ELF1: variants seen among roughly 807,000 people sequenced by gnomAD.
ELF1 encodes the protein E74 like ETS transcription factor 1.
In ELF1, 24 loss-of-function variants were observed where a neutral mutation model predicts 59.9. The ratio of observed to expected loss-of-function variants is 0.40; its 90% CI spans 0.29 to 0.56. The LOEUF (loss-of-function observed/expected upper bound fraction) is 0.56, where lower values mean the gene tolerates loss of function less well. ELF1 is among the 20% of genes least tolerant of loss of function. The pLI, the probability that ELF1 is intolerant of heterozygous loss-of-function variation, is 0.44. For synonymous variants in ELF1, 248 were observed against 266.2 expected, an observed-to-expected ratio of 0.93 and a Z score of 0.67; for missense variants, 627 against 742.2, an observed-to-expected ratio of 0.84 and a Z score of 1.80.
intron 1 of ELF1, among the ~76,000 whole-genome samples, chr13:40,994,382 C>A (rs1874027800): frequency 6.6e-6 from 1 of 152,192 alleles, no homozygotes; most frequent in Non-Finnish European, 1.5e-5. Context: ...GTGGCTCATG[C>A]CTGTAATCCC....
intron 3 of ELF1, among the ~76,000 whole-genome samples, chr13:40,953,431 G>A (rs1202768282): frequency 2.0e-5 from 3 of 152,140 alleles, no homozygotes; most frequent in Non-Finnish European, 4.4e-5. Context: ...TATGGTTAGT[G>A]TCCCTCTAAG....
intron 1 of ELF1, among the ~76,000 whole-genome samples, chr13:41,004,363 G>T (rs562240662): frequency 6.6e-6 from 1 of 151,954 alleles, no homozygotes; most frequent in Non-Finnish European, 1.5e-5. Context: ...GGGGGTGGGG[G>T]ATATTCTGGG....
At chr13:41,037,891 G>A (rs1266725917) in intron 1 of ELF1, among the ~76,000 whole-genome samples, 2 of 152,020 alleles carry the variant, frequency 1.3e-5, no homozygotes, top group East Asian at 1.9e-4. Flanking sequence ...CATGTATAAT[G>A]TGCTACACAG....
intron 1 of ELF1, among the ~76,000 whole-genome samples, chr13:40,991,965 T>C (rs1873876834): frequency 6.6e-6 from 1 of 152,166 alleles, no homozygotes; most frequent in South Asian, 2.1e-4. Context: ...TAAAATATGA[T>C]TGTATGTTCT....
Position 40,933,445 on chromosome 13 carries a change from G to A in ELF1, c.1840C>T (p.Leu614=). The A allele has an allele frequency of 6.2e-7, 1 of 1,613,214 alleles. No individual in the cohort carries two copies. Among genetic ancestry groups the A allele is most frequent in the Non-Finnish European group, 8.5e-7 (1 of 1,179,518 alleles). ...SQVAMKQNEL[L]EPNSF ...ATTAACTAAAAAGAGTTGGGTTCCA[G>A]CAGTTCGTTTTGTTTCATAGCTACC... The change falls in exon 9 of 9, where the codon CTG becomes TTG. Residue 614 remains leucine, a synonymous_variant. Transcript: ENST00000239882.
upstream of ELF1, among the ~76,000 whole-genome samples, chr13:41,022,483 C>T (rs891918995): frequency 4.6e-5 from 7 of 152,030 alleles, no homozygotes; most frequent in Non-Finnish European, 5.9e-5. Flanking sequence ...ACTGTGGTAC[C>T]GGTATATGAC....
At chr13:40,951,672 A>G in intron 3 of ELF1, 1 of 286,732 alleles carries the variant, frequency 3.5e-6, no homozygotes, top group Non-Finnish European at 6.4e-6. Flanking sequence ...GGAGTCTGAG[A>G]CTGGCCAACA....
chr13:41,058,831 C>T (rs911464101), intron 1 of ELF1, among the ~76,000 whole-genome samples: 2 of 152,064 alleles, frequency 1.3e-5, no homozygotes, highest in Admixed American at 1.3e-4. Context: ...AAATTGGCCA[C>T]GCGTGGTGGC....
chr13:41,035,868 C>T (rs1260333920), intron 1 of ELF1, among the ~76,000 whole-genome samples: 2 of 149,136 alleles, frequency 1.3e-5, no homozygotes, highest in African/African-American at 4.9e-5. Context: ...ACAACAACAA[C>T]AAAAATTGAC....
At chr13:40,941,410 A>C (rs760178342) in intron 7 of ELF1, 40 bp from the exon 8 acceptor site, 3 of 1,492,312 alleles carry the variant, frequency 2.0e-6, no homozygotes, top group Non-Finnish European at 2.7e-6. Flanking sequence ...ATCAAACATC[A>C]ATTAAAATAT....
chr13:41,050,486 C>T (rs1877040206), intron 1 of ELF1, among the ~76,000 whole-genome samples: 3 of 152,226 alleles, frequency 2.0e-5, no homozygotes. Context: ...ACAAATATCT[C>T]TGAGACCTTG....
intron 1 of ELF1, among the ~76,000 whole-genome samples, chr13:41,043,949 T>C (rs920083267): frequency 1.3e-5 from 2 of 152,220 alleles, no homozygotes; most frequent in Non-Finnish European, 2.9e-5. Context: ...GTTCTTCCAT[T>C]TGTTTGTGTC....
At chr13:41,058,512 AC>A in intron 1 of ELF1, among the ~76,000 whole-genome samples, 2 of 152,374 alleles carry the variant, frequency 1.3e-5, no homozygotes, top group Middle Eastern at 3.4e-3. Flanking sequence ...TACGTAATGC[AC>A]AACTACACGA....
intron 1 of ELF1, among the ~76,000 whole-genome samples, chr13:41,025,311 T>C (rs1287100259): frequency 6.6e-6 from 1 of 152,178 alleles, no homozygotes; most frequent in Admixed American, 6.5e-5. Context: ...CATCCATCCA[T>C]CAAGTCTCAA....
chr13:41,058,660 G>A lies in ELF1; in HGVS notation c.-229+2178C>T, dbSNP rs75350270. ...CCATTTTAGCACCATTTGGTACAAT[G>A]TTGTAAACTCATTACAAAATACAAG... On this transcript the variant is annotated intron_variant, in intron 1 of 1. Coordinates refer to the ELF1 transcript ENST00000405737. 9.4e-3 allele frequency among the ~76,000 whole-genome samples: 1,431 copies of A among 152,326 alleles called. 61 individuals are homozygous for A. Among genetic ancestry groups the A allele is most frequent in the Admixed American group, 0.064 (976 of 15,304 alleles).
intron 2 of ELF1, among the ~76,000 whole-genome samples, chr13:40,978,659 A>T (rs926834991): frequency 2.6e-5 from 4 of 152,064 alleles, no homozygotes; most frequent in Non-Finnish European, 5.9e-5. Flanking sequence ...GGGCAAAAGG[A>T]TATATTAATA....
At chr13:40,981,162 T>C (rs1873245898) in intron 2 of ELF1, among the ~76,000 whole-genome samples, 2 of 152,172 alleles carry the variant, frequency 1.3e-5, no homozygotes, top group Non-Finnish European at 2.9e-5. Flanking sequence ...ATTTCAGTGA[T>C]AAATCAACTT....
intron 1 of ELF1, among the ~76,000 whole-genome samples, chr13:41,006,425 A>G (rs1874761323): frequency 6.6e-6 from 1 of 152,162 alleles, no homozygotes; most frequent in African/African-American, 2.4e-5. Flanking sequence ...TCTGATGCTT[A>G]GTGAAATAAC....
At chr13:40,944,611 T>C (rs979722260) in intron 5 of ELF1, among the ~76,000 whole-genome samples, 1 of 152,194 alleles carries the variant, frequency 6.6e-6, no homozygotes, top group Non-Finnish European at 1.5e-5. Flanking sequence ...GTGGGGTCGA[T>C]AAACTATTCT....
Sources: gnomAD v4.1 joint callset for allele counts (sites outside exome capture counted in the v4.1 genomes callset) on GRCh38, gnomAD v4.1.1 for gene constraint, MANE v1.5 for transcripts, NCBI Gene and HGNC (gene_info 2026-07-23, HGNC 2026-07-21) for gene names.